The following CDH12 variants were observed in gnomAD, a reference collection of about 807,000 sequenced individuals.
CDH12 encodes the protein cadherin 12.
In CDH12, 41 loss-of-function variants were observed where a neutral mutation model predicts 74.1. The observed-to-expected ratio is 0.55, with a 90% CI of 0.43 to 0.72. The LOEUF (loss-of-function observed/expected upper bound fraction) is 0.72, where lower values mean the gene tolerates loss of function less well. CDH12 is among the 30% of genes least tolerant of loss of function. The probability of loss-of-function intolerance (pLI) is 0.00; values close to 1 mark genes in which losing one functional copy is unlikely to be tolerated. For missense variants in CDH12, 945 were observed against 977.2 expected (o/e 0.97, Z 0.44); for synonymous variants, 399 against 355.0 (o/e 1.12, Z -1.39).
chr5:22,021,890 C>T (rs565564185), intron 5 of CDH12, among the ~76,000 whole-genome samples: 9 of 152,302 alleles, frequency 5.9e-5, no homozygotes, highest in East Asian at 1.9e-4. Flanking sequence ...CACGCTGAAG[C>T]GCAGTGGCAC....
At chr5:21,828,908 C>CT (rs70957070) in intron 8 of CDH12, among the ~76,000 whole-genome samples, 61 of 119,252 alleles carry the variant, frequency 5.1e-4, no homozygotes, top group Non-Finnish European at 7.0e-4. Context: ...AATCCTATGT[C>CT]TTTTTTTTTT....
chr5:22,332,274 AT>A (rs1289059359), intron 3 of CDH12, among the ~76,000 whole-genome samples: 1 of 152,182 alleles, frequency 6.6e-6, no homozygotes, highest in African/African-American at 2.4e-5. Context: ...AAGAAAAAAA[AT>A]AACATAAAAT....
At chr5:21,779,647 G>A (rs1350561265) in intron 11 of CDH12, 1 of 152,180 alleles carries the variant, frequency 6.6e-6, no homozygotes, top group Admixed American at 6.5e-5. Context: ...CATTTCACCT[G>A]AGAGTTTTTA....
chr5:22,038,218 T>C (rs1169573918), intron 5 of CDH12, among the ~76,000 whole-genome samples: 1 of 152,100 alleles, frequency 6.6e-6, no homozygotes, highest in Non-Finnish European at 1.5e-5. Context: ...CCTTGAGGTT[T>C]CACTACAGCA....
At chr5:22,321,310 A>C (rs1254587407) in intron 3 of CDH12, among the ~76,000 whole-genome samples, 2 of 149,242 alleles carry the variant, frequency 1.3e-5, no homozygotes, top group East Asian at 3.9e-4. Flanking sequence ...AATACTATGC[A>C]GCCATAAAAA....
At chr5:21,925,158 A>G (rs903894648) in intron 6 of CDH12, among the ~76,000 whole-genome samples, 1 of 152,200 alleles carries the variant, frequency 6.6e-6, no homozygotes, top group Non-Finnish European at 1.5e-5. Flanking sequence ...CTAGATCCAC[A>G]TTGCTTTATT....
chr5:21,801,416 G>A (rs1374460762), intron 10 of CDH12, among the ~76,000 whole-genome samples: 2 of 152,112 alleles, frequency 1.3e-5, no homozygotes, highest in Admixed American at 6.5e-5. Context: ...CTGTAGGCAC[G>A]CGGCAGAAAA....
chr5:21,936,751 T>G (rs2150086016), intron 6 of CDH12, among the ~76,000 whole-genome samples: 1 of 151,818 alleles, frequency 6.6e-6, no homozygotes, highest in South Asian at 2.1e-4. Context: ...TGGTGGGAGG[T>G]GATTAGCTCA....
At chr5:22,767,637 A>G (rs1407013290) in intron 1 of CDH12, among the ~76,000 whole-genome samples, 1 of 151,962 alleles carries the variant, frequency 6.6e-6, no homozygotes, top group Admixed American at 6.6e-5. Flanking sequence ...TAATGTAGCT[A>G]TGCTGCTTAT....
intron 4 of CDH12, among the ~76,000 whole-genome samples, chr5:22,200,450 AC>A (rs1456368225): frequency 4.6e-5 from 7 of 152,174 alleles, no homozygotes; most frequent in African/African-American, 1.2e-4. Context: ...GAGAAATGTC[AC>A]CCAGTTATTA....
intron 5 of CDH12, among the ~76,000 whole-genome samples, chr5:22,009,009 C>T (rs1386187850): frequency 1.3e-5 from 2 of 152,190 alleles, no homozygotes; most frequent in African/African-American, 4.8e-5. Flanking sequence ...AATCTAAGCT[C>T]TACCTGGACT....
At chr5:21,884,514 T>G (rs566936768) in intron 6 of CDH12, among the ~76,000 whole-genome samples, 1 of 152,294 alleles carries the variant, frequency 6.6e-6, no homozygotes, top group African/African-American at 2.4e-5. Context: ...TACAGATAAT[T>G]TATTTTGTAT....
chr5:22,207,095 T>C (rs1204136210), intron 4 of CDH12, among the ~76,000 whole-genome samples: 2 of 151,018 alleles, frequency 1.3e-5, no homozygotes, highest in Non-Finnish European at 2.9e-5. Context: ...GGCAGGCGCC[T>C]GTAGTCCCAG....
chr5:21,891,572 TACACACACACACAC>T (rs66657734), intron 6 of CDH12, among the ~76,000 whole-genome samples: 2 of 145,060 alleles, frequency 1.4e-5, no homozygotes, highest in African/African-American at 2.5e-5. Context: ...CACACACACA[TACACACACACACAC>T]ACACACACAC....
chr5:22,717,881 A>G (rs1743661275), intron 1 of CDH12, among the ~76,000 whole-genome samples: 1 of 152,136 alleles, frequency 6.6e-6, no homozygotes, highest in Admixed American at 6.5e-5. Flanking sequence ...TTGTGTCCTG[A>G]TCTTGCCTAA....
intron 5 of CDH12, among the ~76,000 whole-genome samples, chr5:21,986,152 A>G (rs1440970721): frequency 1.3e-5 from 2 of 152,152 alleles, no homozygotes; most frequent in Non-Finnish European, 2.9e-5. Context: ...GCAGAAATCC[A>G]TCTCAAAAAG....
intron 2 of CDH12, among the ~76,000 whole-genome samples, chr5:22,483,200 T>C (rs1746449640): frequency 1.3e-5 from 2 of 152,188 alleles, no homozygotes; most frequent in South Asian, 4.1e-4. Flanking sequence ...GTCAAAATTT[T>C]TGCCATGTCA....
intron 1 of CDH12, among the ~76,000 whole-genome samples, chr5:22,806,159 T>C (rs1287062815): frequency 1.3e-5 from 2 of 152,122 alleles, no homozygotes; most frequent in East Asian, 3.9e-4. Context: ...TTTATAATCC[T>C]TTGGATATAT....
chr5:22,505,378 C>A lies in CDH12; in HGVS notation c.-522-14G>T. ...TAGGTAACAAAGCTGGAAAGACAAA[C>A]ATATACAGTCAGAATGTTAACTATC... On this transcript the variant is annotated splice_polypyrimidine_tract_variant and intron_variant, in intron 1 of 14. Coordinates refer to ENST00000382254, the MANE Select transcript of CDH12 (RefSeq NM_004061.5). 1 of 822,158 alleles carries A rather than the reference C, an allele frequency of 1.2e-6. No individual in the cohort carries two copies. Among genetic ancestry groups the A allele is most frequent in the Non-Finnish European group, 1.5e-6 (1 of 680,990 alleles). 50.9% of individuals were successfully genotyped at this position (822,158 alleles called of 1,614,324 possible). A position where few individuals can be genotyped will look rare whatever the true frequency, so the allele number is the denominator to read the frequency against.
Sources: gnomAD v4.1 joint callset for allele counts (sites outside exome capture counted in the v4.1 genomes callset) on GRCh38, gnomAD v4.1.1 for gene constraint, MANE v1.5 for transcripts, NCBI Gene and HGNC (gene_info 2026-07-23, HGNC 2026-07-21) for gene names.